AMPD3: variants seen among roughly 807,000 people sequenced by gnomAD.
AMPD3 encodes the protein adenosine monophosphate deaminase 3.
In AMPD3, 57 loss-of-function variants were observed where a neutral mutation model predicts 82.3. The ratio of observed to expected loss-of-function variants is 0.69; its 90% confidence interval spans 0.56 to 0.86. AMPD3 has a LOEUF of 0.86. Among genes scored for constraint, AMPD3 ranks in the 40% least tolerant of loss-of-function variants. The pLI is 0.00. For synonymous variants in AMPD3, 381 were observed against 394.7 expected (o/e 0.97, Z 0.41); for missense variants, 870 against 1,003.8 (o/e 0.87, Z 1.80).
Position 10,456,218 on chromosome 11 carries a change from C to T in AMPD3, c.-6+770C>T. The T allele has an allele frequency of 2.1e-6, 3 of 1,457,070 alleles. No individual in the cohort carries two copies. The highest frequency in any genetic ancestry group is 2.7e-6 in the Non-Finnish European group (3 of 1,105,724). The allele number at this position is 1,457,070 out of a possible 1,614,324, so 90.3% of individuals were successfully genotyped here. On this transcript the variant is annotated intron_variant, in intron 1 of 14. Transcript: ENST00000396553. The surrounding 1 kb of genome is among the most constrained non-coding windows in gnomAD (Gnocchi z 4.3). Reference sequence around the variant, plus strand: ...AGAGAATTTCCAGCCCAGGCTTTTCCTGCTCTGGCTCACTGCTGCTCACAG... The same window carrying T: ...AGAGAATTTCCAGCCCAGGCTTTTCTTGCTCTGGCTCACTGCTGCTCACAG...
intron 6 of AMPD3, chr11:10,488,517 T>A (rs7125606): frequency 2.6e-6 from 2 of 775,626 alleles, no homozygotes; most frequent in Non-Finnish European, 3.1e-6. Flanking sequence ...GCAAGCAGTG[T>A]GGTGTGGTTG....
In AMPD3 at chr11:10,482,083, G is replaced by A. The variant is rs1848924845; in HGVS notation, c.447G>A (p.Glu149=). ...TGCAGATCACTTTGGAGGACTATGA[G>A]CAGGCAGCCAAGAGTCTGGCCAAGG... is the stretch of plus-strand genomic sequence containing the variant. ...YCAGITLEDY[E]QAAKSLAKAL... is the part of the protein sequence containing the mutation. The change falls in exon 4 of 15, where the codon GAG becomes GAA. Residue 149 remains glutamate (E), a synonymous_variant. Transcript: ENST00000396553. The A allele has an allele frequency of 1.9e-6, 3 of 1,614,082 alleles. No homozygotes were observed. The highest frequency in any genetic ancestry group is 2.2e-5 in the East Asian group (1 of 44,884).
intron 8 of AMPD3, 38 bp downstream of exon 8, chr11:10,495,068 G>C (rs376808176): frequency 6.2e-7 from 1 of 1,613,650 alleles, no homozygotes; most frequent in Non-Finnish European, 8.5e-7. Context: ...CCTCTCAGGT[G>C]CCTCCCAACA....
intron 10 of AMPD3, 34 bp from the exon 11 acceptor site, chr11:10,500,052 C>A: frequency 6.2e-7 from 1 of 1,613,836 alleles, no homozygotes; most frequent in Non-Finnish European, 8.5e-7. Flanking sequence ...CCTGGTCCTG[C>A]CTTGGCCTGG....
intron 8 of AMPD3, chr11:10,495,257 CCAAGCT>C: frequency 1.0e-6 from 1 of 985,426 alleles, no homozygotes; most frequent in Non-Finnish European, 1.2e-6. Flanking sequence ...TCCACCTTGG[CCAAGCT>C]CACAGCACCT....
At chr11:10,481,200 C>T (rs974658803) in intron 3 of AMPD3, among the ~76,000 whole-genome samples, 8 of 152,154 alleles carry the variant, frequency 5.3e-5, no homozygotes, top group Non-Finnish European at 1.2e-4. Context: ...GACAATGGGG[C>T]TTGTTGCCTG....
At chr11:10,486,483 C>T in intron 5 of AMPD3, 1 of 909,804 alleles carries the variant, frequency 1.1e-6, no homozygotes, top group Non-Finnish European at 1.3e-6. Context: ...ACCCCCATCC[C>T]CAAAGGCCTT....
intron 1 of AMPD3, among the ~76,000 whole-genome samples, chr11:10,458,509 A>T (rs1281298878): frequency 6.6e-6 from 1 of 152,082 alleles, no homozygotes; most frequent in Admixed American, 6.5e-5. Flanking sequence ...CAGCCCTGCC[A>T]CCTGGTCATT....
intron 14 of AMPD3, chr11:10,505,087 T>G (rs1591490348): frequency 5.1e-6 from 5 of 983,936 alleles, no homozygotes; most frequent in Non-Finnish European, 6.0e-6. Flanking sequence ...TCAATATTTC[T>G]TGAATAGATG....
intron 14 of AMPD3, 57 bp downstream of exon 14, chr11:10,504,716 C>A: frequency 1.3e-6 from 2 of 1,499,730 alleles, no homozygotes; most frequent in East Asian, 2.3e-5. Flanking sequence ...CTGCTGTGTG[C>A]CAGGAGCCTT....
Position 10,483,566 on chromosome 11 carries a change from G to T in AMPD3, c.590-1254G>T, listed in dbSNP as rs150947774. On this transcript the variant is annotated intron_variant, in intron 4 of 14. Coordinates refer to ENST00000396553, the MANE Select transcript of AMPD3 (RefSeq NM_001025389.2). ...CTTTACATGGACAGAGGACCCCTGG[G>T]TTCTGGGCATGAGTATGGGGAAGAG... 7.2e-5 allele frequency among the ~76,000 whole-genome samples: 11 copies of T among 152,356 alleles called. No individual in the cohort carries two copies. The East Asian group carries it at 2.1e-3, about 29-fold the overall frequency.
At chr11:10,475,133 G>A (rs1202680076) in intron 2 of AMPD3, among the ~76,000 whole-genome samples, 1 of 152,188 alleles carries the variant, frequency 6.6e-6, no homozygotes, top group Non-Finnish European at 1.5e-5. Context: ...GAAGCCTCAG[G>A]GAACTTTGAC....
chr11:10,497,836 A>T (rs751220520), intron 10 of AMPD3: 66 of 985,194 alleles, frequency 6.7e-5, no homozygotes, highest in Non-Finnish European at 7.2e-5. Context: ...GTCAGACGCC[A>T]CAACGTGATC....
chr11:10,470,654 A>G (rs1848561608), intron 2 of AMPD3, among the ~76,000 whole-genome samples: 1 of 152,246 alleles, frequency 6.6e-6, no homozygotes, highest in South Asian at 2.1e-4. Flanking sequence ...AATCACAAGC[A>G]TTCCTGTATA....
chr11:10,451,090 G>T, upstream of AMPD3: 1 of 1,552,442 alleles, frequency 6.4e-7, no homozygotes, highest in South Asian at 1.2e-5. Flanking sequence ...CAGCCCCGCG[G>T]ACCCTGCGGC....
rs147806654 is a variant in AMPD3, at chr11:10,487,530, T to C, written c.939+166T>C. Among the ~76,000 whole-genome samples the C allele has an allele frequency of 2.0e-3, 312 of 152,296 alleles. 1 individual carries two copies. Among genetic ancestry groups the C allele is most frequent in the African/African-American group, 7.0e-3 (292 of 41,568 alleles). Reference sequence around the variant, plus strand: ...ATGAAGCATATGTGCAGAAGGAAGATGGGTGAGCTGCATTTGTGTCAGGCT... The same window carrying C: ...ATGAAGCATATGTGCAGAAGGAAGACGGGTGAGCTGCATTTGTGTCAGGCT... On this transcript the variant is annotated intron_variant, in intron 6 of 14. Transcript: ENST00000396553.
intron 10 of AMPD3, chr11:10,499,767 T>A: frequency 1.0e-6 from 1 of 985,382 alleles, no homozygotes. Flanking sequence ...GAGGGGCAGG[T>A]GGTGGCCATG....
intron 8 of AMPD3, 82 bp from the exon 9 acceptor site, chr11:10,495,488 A>G (rs1849366721): frequency 4.4e-6 from 7 of 1,608,186 alleles, no homozygotes; most frequent in Non-Finnish European, 5.9e-6. Context: ...GGGGAGCAAC[A>G]GGACCCTGCT....
chr11:10,451,013 G>T, upstream of AMPD3: 1 of 1,580,334 alleles, frequency 6.3e-7, no homozygotes, highest in South Asian at 1.1e-5. Context: ...GTCCCTTTCG[G>T]CCGGCGGCAT....
Sources: gnomAD v4.1 joint callset for allele counts (sites outside exome capture counted in the v4.1 genomes callset) on GRCh38, gnomAD v4.1.1 for gene constraint, Gnocchi (gnomAD v3.1) non-coding constraint, MANE v1.5 for transcripts, NCBI Gene and HGNC (gene_info 2026-07-23, HGNC 2026-07-21) for gene names.